The following TRPM3 variants were observed in gnomAD, a reference collection of about 807,000 sequenced individuals.
TRPM3 encodes the protein long transient receptor potential channel 3.
In TRPM3, 77 loss-of-function variants were observed where a neutral mutation model predicts 181.2. The ratio of observed to expected loss-of-function variants is 0.42; its 90% CI spans 0.35 to 0.51. TRPM3 has a LOEUF of 0.51. Ranked by LOEUF, TRPM3 falls within the 20% of genes least tolerant of loss-of-function variation. The pLI is 0.01. For synonymous variants in TRPM3, 745 were observed against 796.4 expected (o/e 0.94, Z 1.09); for missense variants, 1,759 against 2,196.7 (o/e 0.80, Z 3.98).
intron 1 of TRPM3, among the ~76,000 whole-genome samples, chr9:71,016,286 T>C (rs1298375862): frequency 6.6e-6 from 1 of 151,894 alleles, no homozygotes; most frequent in East Asian, 1.9e-4. Flanking sequence ...TGTAATGTTT[T>C]CCATTTTAAC....
chr9:71,146,858 T>C (rs1391402275), intron 1 of TRPM3, among the ~76,000 whole-genome samples: 1 of 152,202 alleles, frequency 6.6e-6, no homozygotes, highest in African/African-American at 2.4e-5. Context: ...GCAATAATCA[T>C]GCAACCCAAA....
At chr9:71,039,193 G>A (rs976310588) in intron 1 of TRPM3, among the ~76,000 whole-genome samples, 2 of 152,026 alleles carry the variant, frequency 1.3e-5, no homozygotes, top group Non-Finnish European at 1.5e-5. Flanking sequence ...GACAAATCAC[G>A]GAACTGAACC....
At chr9:71,276,425 T>C (rs934570359) in intron 1 of TRPM3, among the ~76,000 whole-genome samples, 1 of 152,026 alleles carries the variant, frequency 6.6e-6, no homozygotes, top group African/African-American at 2.4e-5. Context: ...AATTTGGATA[T>C]GACACAACAC....
intron 8 of TRPM3, among the ~76,000 whole-genome samples, chr9:70,738,608 C>T (rs1314178254): frequency 4.0e-5 from 6 of 151,828 alleles, no homozygotes; most frequent in Admixed American, 6.6e-5. Context: ...AACCCAAACT[C>T]GGCAGAAGAA....
At chr9:70,898,747 CAAAAA>C (rs34952516) in intron 1 of TRPM3, among the ~76,000 whole-genome samples, 335 of 93,318 alleles carry the variant, frequency 3.6e-3, no homozygotes, top group Non-Finnish European at 5.7e-3. Context: ...GACTTCATCT[CAAAAA>C]AAAAAAAAAA....
chr9:71,429,338 G>T (rs929213884), intron 1 of TRPM3, among the ~76,000 whole-genome samples: 2 of 152,096 alleles, frequency 1.3e-5, no homozygotes, highest in African/African-American at 4.8e-5. Flanking sequence ...AGCCAGGCAC[G>T]CTGATTTCAA....
intron 3 of TRPM3, 122 bp from the exon 4 acceptor site, chr9:70,846,713 T>C: frequency 1.4e-6 from 1 of 733,504 alleles, no homozygotes; most frequent in South Asian, 1.9e-5. Context: ...AAATCAGATT[T>C]TTTTAAAAGG....
chr9:71,155,172 G>A (rs1019830714), intron 1 of TRPM3, among the ~76,000 whole-genome samples: 3 of 152,100 alleles, frequency 2.0e-5, no homozygotes, highest in East Asian at 1.9e-4. Context: ...AATGATACAT[G>A]TAGACTTTGT....
chr9:70,796,532 G>T (rs569766511), intron 6 of TRPM3, among the ~76,000 whole-genome samples: 1 of 152,158 alleles, frequency 6.6e-6, no homozygotes, highest in Non-Finnish European at 1.5e-5. Context: ...CAGGTTCAAA[G>T]ACATTCTCAT....
At chr9:71,099,598 T>C (rs1456449915) in intron 1 of TRPM3, among the ~76,000 whole-genome samples, 1 of 152,184 alleles carries the variant, frequency 6.6e-6, no homozygotes, top group African/African-American at 2.4e-5. Flanking sequence ...TGATTTTACC[T>C]TTAGATGGGT....
At chr9:70,699,747 T>C (rs1464405753) in intron 8 of TRPM3, among the ~76,000 whole-genome samples, 2 of 152,018 alleles carry the variant, frequency 1.3e-5, no homozygotes, top group African/African-American at 2.4e-5. Context: ...GGAGTGAGGA[T>C]TGGAGGTGGG....
chr9:71,324,274 A>G, intron 1 of TRPM3, among the ~76,000 whole-genome samples: 1 of 152,288 alleles, frequency 6.6e-6, no homozygotes, highest in South Asian at 2.1e-4. Flanking sequence ...ACATTTAAGA[A>G]AAATATATAA....
intron 1 of TRPM3, among the ~76,000 whole-genome samples, chr9:71,127,292 A>AAC (rs60199233): frequency 0.022 from 3,182 of 143,814 alleles, 110 homozygotes; most frequent in African/African-American, 0.068. Flanking sequence ...AGCTGACCAA[A>AAC]ACACACACAC....
At position 70,758,634 on chromosome 9, in the gene TRPM3, T is replaced by C. The variant is rs144464901; in HGVS notation, c.1272+2967A>G. Among the ~76,000 whole-genome samples the C allele has an allele frequency of 3.3e-4, 51 of 152,240 alleles. 2 individuals are homozygous for C. The East Asian group carries it at 5.8e-3, about 17-fold the overall frequency. On this transcript the variant is annotated intron_variant, in intron 8 of 25. Coordinates refer to ENST00000677713, the MANE Select transcript of TRPM3 (RefSeq NM_001366145.2). ...CATGGTAGTGGTGCCAAAACAGATATATACACCACTGGAACAGAACAGAGG... is the reference window on the plus strand; with the variant it reads ...CATGGTAGTGGTGCCAAAACAGATACATACACCACTGGAACAGAACAGAGG...
chr9:71,172,778 G>A (rs1193376056), intron 1 of TRPM3, among the ~76,000 whole-genome samples: 2 of 152,144 alleles, frequency 1.3e-5, no homozygotes, highest in African/African-American at 4.8e-5. Flanking sequence ...ATCTAAACAG[G>A]TTCTTCCCAT....
At chr9:70,788,118 C>G (rs961265033) in intron 6 of TRPM3, among the ~76,000 whole-genome samples, 1 of 147,196 alleles carries the variant, frequency 6.8e-6, no homozygotes, top group Admixed American at 6.8e-5. Context: ...CCCACTAACT[C>G]GTCATCTAGC....
Position 71,076,010 on chromosome 9 carries a change from T to C in TRPM3, c.177+45168A>G, listed in dbSNP as rs576188632. Among the ~76,000 whole-genome samples, 43 of 152,258 alleles carry C rather than the reference T, an allele frequency of 2.8e-4. No homozygotes were observed. In the South Asian group the frequency reaches 8.1e-3, roughly 29 times the overall value. On this transcript the variant is annotated intron_variant, in intron 1 of 25. Coordinates refer to ENST00000677713, the MANE Select transcript of TRPM3 (RefSeq NM_001366145.2). ...TTGTTGTTGTAGTTTTATGGTTTCA[T>C]TGAGATATATTTAAGATACAGTTAA...
chr9:70,965,247 C>G, intron 1 of TRPM3, among the ~76,000 whole-genome samples: 1 of 152,096 alleles, frequency 6.6e-6, no homozygotes, highest in Non-Finnish European at 1.5e-5. Context: ...TAGCACTGAA[C>G]ATATTTATGG....
At chr9:70,666,026 C>T (rs1409106146) in intron 9 of TRPM3, among the ~76,000 whole-genome samples, 1 of 152,214 alleles carries the variant, frequency 6.6e-6, no homozygotes, top group Non-Finnish European at 1.5e-5. Flanking sequence ...CCTCTTTCCA[C>T]AGAGGCAACC....
Sources: gnomAD v4.1 joint callset for allele counts (sites outside exome capture counted in the v4.1 genomes callset) on GRCh38, gnomAD v4.1.1 for gene constraint, MANE v1.5 for transcripts, NCBI Gene and HGNC (gene_info 2026-07-23, HGNC 2026-07-21) for gene names.